BRMS1: variants seen among roughly 807,000 people sequenced by gnomAD.
BRMS1 encodes the protein BRMS1 transcriptional repressor and anoikis regulator, also known as breast cancer metastasis-suppressor 1.
Under a neutral mutation model 40.4 loss-of-function variants are expected in BRMS1, and 26 were observed. That is an observed-to-expected ratio of 0.64 (90% confidence interval 0.47 to 0.89). The LOEUF (loss-of-function observed/expected upper bound fraction) is 0.89. Among genes scored for constraint, BRMS1 ranks in the 40% least tolerant of loss-of-function variants. The probability of loss-of-function intolerance (pLI) is 0.00; values close to 1 mark genes in which losing one functional copy is unlikely to be tolerated. For synonymous variants in BRMS1, 103 were observed against 116.0 expected (o/e 0.89, Z 0.72); for missense variants, 289 against 309.4 (o/e 0.93, Z 0.49).
chr11:66,338,442 C>T, intron 8 of BRMS1, 160 bp from the exon 9 acceptor site: 1 of 1,512,582 alleles, frequency 6.6e-7, no homozygotes, highest in Non-Finnish European at 8.8e-7. Context: ...ATGCTCCTGA[C>T]TGCTGGCCAG....
At chr11:66,337,981 G>C (rs3132757) in intron 9 of BRMS1, 92 bp from the exon 10 acceptor site, 2 of 1,428,572 alleles carry the variant, frequency 1.4e-6, no homozygotes, top group Non-Finnish European at 1.9e-6. Context: ...GGCTGGCCCA[G>C]AACAGGCCTC....
chr11:66,341,515 A>T lies in BRMS1; in HGVS notation c.230+18T>A, dbSNP rs894419573. ...CCCAGATCCTCGCAGACCCAGCCCA[A>T]GGTGTCCCCACGCTCACTTCTCCTT... On this transcript the variant is annotated intron_variant, in intron 3 of 9. Transcript: ENST00000359957. This position sits in a 1 kb window ranked among gnomAD's most constrained non-coding sequence, Gnocchi z 4.9. The T allele has an allele frequency of 6.2e-7, 1 of 1,612,994 alleles. No individual in the cohort carries two copies. The highest frequency in any genetic ancestry group is 1.3e-5 in the African/African-American group (1 of 74,870).
intron 8 of BRMS1, 134 bp downstream of exon 8, chr11:66,338,587 G>A (rs755065240): frequency 5.8e-5 from 91 of 1,562,134 alleles, no homozygotes; most frequent in Admixed American, 1.9e-4. Context: ...AGCCAACTGC[G>A]ATCCAGGGAC....
Sources: gnomAD v4.1 joint callset for allele counts on GRCh38, gnomAD v4.1.1 for gene constraint, Gnocchi (gnomAD v3.1) non-coding constraint, MANE v1.5 for transcripts, NCBI Gene and HGNC (gene_info 2026-07-23, HGNC 2026-07-21) for gene names.